Variants in KIR3DL1 observed in about 807,000 individuals in gnomAD.
The protein encoded by KIR3DL1 is killer cell immunoglobulin-like receptor 3DL1.
A neutral mutation model predicts 40.3 loss-of-function variants in KIR3DL1; 50 were observed. That is an observed-to-expected ratio of 1.24 (90% CI 0.99 to 1.57). The LOEUF is 1.57. Ranked by LOEUF, KIR3DL1 falls within the 40% of genes most tolerant of loss-of-function variation. KIR3DL1 has a pLI of 0.00. For synonymous variants in KIR3DL1, 257 were observed against 207.2 expected (o/e 1.24, Z -2.07); for missense variants, 661 against 559.9 (o/e 1.18, Z -1.82).
At chr19:54,820,131 G>A (rs1367000949) in intron 4 of KIR3DL1, 119 bp downstream of exon 4, 2 of 1,084,132 alleles carry the variant, frequency 1.8e-6, no homozygotes, top group South Asian at 1.4e-5. Flanking sequence ...GAAAGAGAGT[G>A]ACTTGGTGAG....
intron 1 of KIR3DL1, 60 bp from the exon 2 acceptor site, chr19:54,817,474 G>A (rs2061408758): frequency 1.5e-6 from 2 of 1,349,376 alleles, no homozygotes; most frequent in South Asian, 2.4e-5. Flanking sequence ...GCCCAGTGGG[G>A]GCAGCAGGGT....
At chr19:54,821,636 T>C (rs375562980) in exon 5 of KIR3DL1, 6 of 1,609,302 alleles carry the variant, frequency 3.7e-6, no homozygotes, top group African/African-American at 2.7e-5. Flanking sequence ...CGTGACCTTG[T>C]CCTGTAGCTC....
In KIR3DL1 at chr19:54,824,888, T is replaced by C. The variant is rs2148148368; in HGVS notation, c.950-140T>C. On this transcript the variant is annotated intron_variant, in intron 5 of 8. Transcript: ENST00000391728. ...AGACAGTGGGCATCGCACACAAAAA[T>C]TATGGAGAAGAGGATCCCAAGACTC... 2.2e-6 allele frequency: 2 copies of C among 913,934 alleles called. 1 individual carries two copies. Among genetic ancestry groups the C allele is most frequent in the Middle Eastern group, 6.2e-4 (2 of 3,218 alleles). The allele number at this position is 913,934 out of a possible 1,614,324, so 56.6% of individuals were successfully genotyped here.
At chr19:54,816,505 C>G (rs605219) in exon 1 of KIR3DL1, 1 of 1,467,178 alleles carries the variant, frequency 6.8e-7, no homozygotes, top group Admixed American at 1.8e-5. Flanking sequence ...AGCACCATGT[C>G]GCTCATGGTC....
intron 8 of KIR3DL1, 28 bp downstream of exon 8, chr19:54,830,008 G>A: frequency 1.3e-6 from 2 of 1,527,934 alleles, no homozygotes; most frequent in Non-Finnish European, 1.8e-6. Flanking sequence ...CAGCCTCGTG[G>A]CTAGTGTTAT....
At chr19:54,829,049 G>C (rs925684963) in intron 6 of KIR3DL1, among the ~76,000 whole-genome samples, 1 of 143,040 alleles carries the variant, frequency 7.0e-6, no homozygotes, top group African/African-American at 2.5e-5. Context: ...GCATTGATCT[G>C]TTCATGATGG....
intron 4 of KIR3DL1, among the ~76,000 whole-genome samples, chr19:54,820,229 G>C (rs1432133251): frequency 6.6e-6 from 1 of 151,420 alleles, no homozygotes; most frequent in Non-Finnish European, 1.5e-5. Context: ...CATACAGGGA[G>C]GTAGAAAAGA....
intron 4 of KIR3DL1, among the ~76,000 whole-genome samples, chr19:54,820,517 C>A (rs144011110): frequency 2.0e-5 from 3 of 151,324 alleles, no homozygotes; most frequent in African/African-American, 7.3e-5. Flanking sequence ...ATATCATGGC[C>A]CCTGAACACC....
chr19:54,819,620 C>T, intron 3 of KIR3DL1, 93 bp from the exon 4 acceptor site: 1 of 1,419,250 alleles, frequency 7.0e-7, no homozygotes. Flanking sequence ...AGGAGAGAGA[C>T]AGACACGGGG....
Position 54,823,507 on chromosome 19 carries a change from T to C in KIR3DL1, c.950-1521T>C, listed in dbSNP as rs1484488533. ...ACTTTACTTTATTTTATTTATTTAT[T>C]TATGTTGAGATGGAGTTTCACTCAT... On this transcript the variant is annotated intron_variant, in intron 5 of 8. Transcript: ENST00000391728. Among the ~76,000 whole-genome samples the C allele has an allele frequency of 1.3e-5, 2 of 151,262 alleles. 1 individual carries two copies. The highest frequency in any genetic ancestry group is 4.9e-5 in the African/African-American group (2 of 40,954).
chr19:54,819,940 T>C (rs768378912), exon 4 of KIR3DL1: 19 of 1,611,856 alleles, frequency 1.2e-5, no homozygotes, highest in African/African-American at 4.0e-5. Context: ...GACCTACAGA[T>C]GCTACGGTTC....
chr19:54,828,224 A>C (rs35360058), intron 6 of KIR3DL1, among the ~76,000 whole-genome samples: 28,284 of 146,172 alleles, frequency 0.19, 3,198 homozygotes, highest in South Asian at 0.34. Context: ...CTTTTTTTAT[A>C]TTGATTTCAC....
At chr19:54,829,848 C>T (rs1184217861) in intron 7 of KIR3DL1, 80 bp from the exon 8 acceptor site, 7 of 1,339,106 alleles carry the variant, frequency 5.2e-6, no homozygotes, top group Non-Finnish European at 5.2e-6. Context: ...ATGGCCTCCC[C>T]CTGTTTGTTG....
At chr19:54,821,188 G>C (rs1211314289) in intron 4 of KIR3DL1, among the ~76,000 whole-genome samples, 1 of 145,058 alleles carries the variant, frequency 6.9e-6, no homozygotes, top group Admixed American at 7.1e-5. Flanking sequence ...CATAAATATA[G>C]ATGATAGATA....
At chr19:54,826,907 C>G (rs201495596) in intron 6 of KIR3DL1, among the ~76,000 whole-genome samples, 530 of 149,190 alleles carry the variant, frequency 3.6e-3, no homozygotes, top group African/African-American at 0.013. Flanking sequence ...AACTAAGGAG[C>G]AACAAGGAGT....
chr19:54,818,276 A>G, intron 2 of KIR3DL1, 39 bp from the exon 3 acceptor site: 1 of 1,574,004 alleles, frequency 6.4e-7, no homozygotes, highest in Non-Finnish European at 8.6e-7. Flanking sequence ...GGGCGGCTCC[A>G]CATCCTCCTC....
At chr19:54,821,858 G>A in exon 5 of KIR3DL1, 1 of 1,599,630 alleles carries the variant, frequency 6.3e-7, no homozygotes, top group Non-Finnish European at 8.5e-7. Context: ...TTCTGTCACA[G>A]GTGAGAAAAG....
intron 3 of KIR3DL1, among the ~76,000 whole-genome samples, chr19:54,819,426 T>C (rs564226318): frequency 6.9e-6 from 1 of 144,368 alleles, no homozygotes; most frequent in South Asian, 2.3e-4. Context: ...CACCCCCACA[T>C]AGACAGCAGG....
chr19:54,818,734 A>C (rs2061485075), intron 3 of KIR3DL1, 135 bp downstream of exon 3: 1 of 1,158,362 alleles, frequency 8.6e-7, no homozygotes, highest in South Asian at 1.6e-5. Flanking sequence ...ATACAGGGGA[A>C]ATGGGTGCTG....
Sources: allele counts gnomAD v4.1 joint callset (sites outside exome capture counted in the v4.1 genomes callset), GRCh38; gene constraint gnomAD v4.1.1; transcripts MANE v1.5; gene names NCBI Gene and HGNC (gene_info 2026-07-23, HGNC 2026-07-21).